The following CCDC171 variants were observed in gnomAD, a reference collection of about 807,000 sequenced individuals.
CCDC171 encodes coiled-coil domain containing 171, also known as coiled-coil domain-containing protein 171.
In CCDC171, 177 loss-of-function variants were observed where a neutral mutation model predicts 168.2. That is an observed-to-expected ratio of 1.05 (90% CI 0.93 to 1.19). The LOEUF (loss-of-function observed/expected upper bound fraction) is 1.19. Among genes scored for constraint, CCDC171 ranks in the 50% most tolerant of loss-of-function variants. The pLI, the probability that CCDC171 is intolerant of heterozygous loss-of-function variation, is 0.00. For missense variants in CCDC171, 1,991 were observed against 1,539.0 expected, an observed-to-expected ratio of 1.29 and a Z score of -4.91; for synonymous variants, 687 against 540.8, an observed-to-expected ratio of 1.27 and a Z score of -3.75.
chr9:15,996,417 CTT>C (rs34798326), intron 3 of CCDC171, among the ~76,000 whole-genome samples: 3,215 of 64,804 alleles, frequency 0.05, 51 homozygotes, highest in African/African-American at 0.15. Context: ...CTAGGAGGCT[CTT>C]TTTTTTTTTT....
chr9:15,604,975 C>T (rs954513408), intron 6 of CCDC171, among the ~76,000 whole-genome samples: 61 of 152,000 alleles, frequency 4.0e-4, no homozygotes, highest in Non-Finnish European at 1.8e-4. Context: ...TGGAGTGCAG[C>T]GGGACTATCA....
At chr9:15,810,862 C>T (rs1166440024) in intron 21 of CCDC171, among the ~76,000 whole-genome samples, 3 of 152,208 alleles carry the variant, frequency 2.0e-5, no homozygotes, top group Non-Finnish European at 4.4e-5. Flanking sequence ...AGTGCAGCGG[C>T]AGGCTGAAGG....
chr9:15,600,845 C>T (rs1480509749), intron 6 of CCDC171, among the ~76,000 whole-genome samples: 2 of 152,230 alleles, frequency 1.3e-5, no homozygotes. Flanking sequence ...GCGGGCGTCC[C>T]TCCCCCAGCC....
intron 25 of CCDC171, among the ~76,000 whole-genome samples, chr9:15,952,168 C>T (rs188119959): frequency 1.4e-3 from 208 of 152,164 alleles, no homozygotes; most frequent in Non-Finnish European, 2.4e-3. Context: ...TGTTGACATC[C>T]TTGTCAAAAC....
chr9:15,880,075 TAC>T (rs1182772980), intron 24 of CCDC171, among the ~76,000 whole-genome samples: 1 of 152,210 alleles, frequency 6.6e-6, no homozygotes, highest in Non-Finnish European at 1.5e-5. Flanking sequence ...GTCCTTATTT[TAC>T]ACAGAGTTGC....
At chr9:15,851,370 A>G (rs1444656351) in intron 23 of CCDC171, among the ~76,000 whole-genome samples, 2 of 151,818 alleles carry the variant, frequency 1.3e-5, no homozygotes, top group South Asian at 2.1e-4. Context: ...ATTTAGATAT[A>G]TATTTTTATT....
At position 15,567,081 on chromosome 9, in the gene CCDC171, C is replaced by T. The variant is rs1030154592; in HGVS notation, c.41+2952C>T. Among the ~76,000 whole-genome samples the T allele has an allele frequency of 7.0e-5, 10 of 143,620 alleles. No individual in the cohort carries two copies. In the Admixed American group the frequency reaches 7.3e-4, roughly 11 times the overall value. 94.2% of individuals were successfully genotyped at this position (143,620 alleles called of 152,430 possible). ...TCACTGTGTTGTCAAGGCTGGAGTG[C>T]AGTGGCGTGATCTCACTGCAACCTC... On this transcript the variant is annotated intron_variant, in intron 2 of 25. Coordinates refer to ENST00000380701, the MANE Select transcript of CCDC171 (RefSeq NM_173550.4).
intron 25 of CCDC171, among the ~76,000 whole-genome samples, chr9:15,949,187 A>T (rs200839915): frequency 2.0e-5 from 3 of 151,834 alleles, no homozygotes; most frequent in South Asian, 2.1e-4. Context: ...TCTATATCTC[A>T]GTTTTGGTAC....
At chr9:15,872,312 T>C (rs2062074045) in intron 23 of CCDC171, among the ~76,000 whole-genome samples, 1 of 151,972 alleles carries the variant, frequency 6.6e-6, no homozygotes, top group South Asian at 2.1e-4. Context: ...AATAAATCAG[T>C]TTCAAAAGCA....
chr9:15,586,240 A>G (rs769029760), intron 4 of CCDC171, among the ~76,000 whole-genome samples: 2 of 152,210 alleles, frequency 1.3e-5, no homozygotes, highest in African/African-American at 2.4e-5. Context: ...CAAAATGTTA[A>G]CAATCCTAGA....
chr9:15,581,742 A>T (rs1395639723), intron 4 of CCDC171, among the ~76,000 whole-genome samples: 2 of 152,118 alleles, frequency 1.3e-5, no homozygotes, highest in Admixed American at 1.3e-4. Flanking sequence ...AGAAAGCTGA[A>T]ACTGGAACCC....
chr9:15,865,203 A>G (rs2061723976), intron 23 of CCDC171, among the ~76,000 whole-genome samples: 1 of 152,032 alleles, frequency 6.6e-6, no homozygotes, highest in African/African-American at 2.4e-5. Context: ...GCTTCTTCAG[A>G]AAAGTTATTT....
intron 10 of CCDC171, among the ~76,000 whole-genome samples, chr9:15,682,622 CTTCAA>C (rs1443235227): frequency 1.3e-5 from 2 of 151,630 alleles, no homozygotes; most frequent in Admixed American, 1.3e-4. Flanking sequence ...AATGAAATTA[CTTCAA>C]TTTATAGATT....
chr9:15,564,317 G>A (rs776253988), intron 2 of CCDC171, among the ~76,000 whole-genome samples, 188 bp downstream of exon 2: 1 of 152,154 alleles, frequency 6.6e-6, no homozygotes, highest in Non-Finnish European at 1.5e-5. Flanking sequence ...GACTTTATGG[G>A]GATTTTGTGC....
At chr9:15,957,829 A>G (rs968880684) in intron 25 of CCDC171, among the ~76,000 whole-genome samples, 21 of 152,134 alleles carry the variant, frequency 1.4e-4, no homozygotes, top group Middle Eastern at 3.2e-3. Context: ...CTTTCCTCTT[A>G]TCTTTTGTCA....
At chr9:15,703,669 T>C (rs573532402) in intron 11 of CCDC171, among the ~76,000 whole-genome samples, 7 of 152,362 alleles carry the variant, frequency 4.6e-5, no homozygotes, top group East Asian at 3.9e-4. Context: ...TGGACACTTA[T>C]GTGGATTCTG....
At chr9:15,905,290 A>G (rs1822390617) in intron 24 of CCDC171, among the ~76,000 whole-genome samples, 2 of 152,202 alleles carry the variant, frequency 1.3e-5, no homozygotes, top group African/African-American at 4.8e-5. Flanking sequence ...CTCCTCAGCA[A>G]ATATAAAAGA....
intron 24 of CCDC171, among the ~76,000 whole-genome samples, chr9:15,916,583 A>G (rs1002285374): frequency 2.0e-5 from 3 of 151,962 alleles, no homozygotes; most frequent in African/African-American, 4.8e-5. Context: ...CAGTCCCCCA[A>G]CTATCCCATT....
At chr9:15,834,557 C>T (rs2060361262) in intron 21 of CCDC171, among the ~76,000 whole-genome samples, 1 of 152,126 alleles carries the variant, frequency 6.6e-6, no homozygotes, top group Non-Finnish European at 1.5e-5. Flanking sequence ...TTAGTATATT[C>T]ACAATTAAGA....
Sources: allele counts gnomAD v4.1 joint callset (sites outside exome capture counted in the v4.1 genomes callset), GRCh38; gene constraint gnomAD v4.1.1; transcripts MANE v1.5; gene names NCBI Gene and HGNC (gene_info 2026-07-23, HGNC 2026-07-21).